Variants in C2orf68 observed in about 807,000 individuals in gnomAD.
C2orf68 encodes the protein chromosome 2 open reading frame 68, also known as UPF0561 protein C2orf68.
A neutral mutation model predicts 19.1 loss-of-function variants in C2orf68; 15 were observed. The observed-to-expected ratio is 0.79, with a 90% CI of 0.53 to 1.21. The LOEUF (loss-of-function observed/expected upper bound fraction) is 1.21. Ranked by LOEUF, C2orf68 falls within the 50% of genes most tolerant of loss-of-function variation. C2orf68 has a pLI of 0.00. For synonymous variants in C2orf68, 98 were observed against 91.0 expected (o/e 1.08, Z -0.44); for missense variants, 242 against 226.6 (o/e 1.07, Z -0.44).
rs973274746 is a variant in C2orf68 at position 85,607,985 on chromosome 2, A to G, written c.*960T>C. On this transcript the variant is annotated 3_prime_UTR_variant, in exon 4 of 4. Coordinates refer to ENST00000306336, the MANE Select transcript of C2orf68 (RefSeq NM_001013649.4). ...TTTCATTCCCTCTGGCGTGCTGTCA[A>G]TCAGGCAATTATTGCTAATATTGAC... 2.0e-5 allele frequency: 3 copies of G among 152,228 alleles called. No individual in the cohort carries two copies. Among genetic ancestry groups the G allele is most frequent in the Non-Finnish European group, 4.4e-5 (3 of 68,044 alleles). 9.4% of individuals were successfully genotyped at this position (152,228 alleles called of 1,614,324 possible).
rs1673568119 is a variant in C2orf68 at position 85,611,904 on chromosome 2, G to A, written c.81C>T (p.His27=). ...GAGCGATCTGGTTCCGTCGGATATG[G>A]TGCACGAAGCCGTGGTTCATGTCCA... is the stretch of plus-strand genomic sequence containing the variant. ...GRLDMNHGFV[H]HIRRNQIARD... The change falls in exon 1 of 4, where the codon CAC becomes CAT. Residue 27 remains histidine, a synonymous_variant. Transcript: ENST00000306336. 1 of 1,594,220 alleles carries A rather than the reference G, an allele frequency of 6.3e-7. No individual in the cohort carries two copies. Among genetic ancestry groups the A allele is most frequent in the Non-Finnish European group, 8.5e-7 (1 of 1,176,142 alleles).
In C2orf68 at chr2:85,607,321, AC is replaced by A. The variant is rs1673253034; in HGVS notation, c.*1623del. The A allele has an allele frequency of 6.6e-6, 1 of 152,186 alleles. No individual in the cohort carries two copies. The highest frequency in any genetic ancestry group is 1.5e-5 in the Non-Finnish European group (1 of 68,062). 9.4% of individuals were successfully genotyped at this position (152,186 alleles called of 1,614,324 possible). ...GGTGGAGTTTGGGAGAGCCTTCTTG[AC>A]CCAGGAGGCTTTGGAGGGTAGTTAA... On this transcript the variant is annotated 3_prime_UTR_variant, in exon 4 of 4. Transcript: ENST00000306336.
rs370522883 is a variant in C2orf68 at position 85,611,898 on chromosome 2, G to T, written c.87C>A (p.Ile29=). The T allele has an allele frequency of 1.3e-5, 20 of 1,595,340 alleles. No individual in the cohort carries two copies. In the African/African-American group the frequency reaches 2.7e-4, roughly 22 times the overall value. ...LDMNHGFVHH[I]RRNQIARDDY... is the part of the protein sequence containing the mutation. Reference sequence around the variant, plus strand: ...GGTACCGAGCGATCTGGTTCCGTCGGATATGGTGCACGAAGCCGTGGTTCA... The same window carrying T: ...GGTACCGAGCGATCTGGTTCCGTCGTATATGGTGCACGAAGCCGTGGTTCA... The change falls in exon 1 of 4, where the codon ATC becomes ATA. Residue 29 remains isoleucine (I), a synonymous_variant. Transcript: ENST00000306336.
intron 2 of C2orf68, 38 bp downstream of exon 2, chr2:85,611,630 G>T: frequency 6.4e-7 from 1 of 1,563,250 alleles, no homozygotes; most frequent in East Asian, 2.4e-5. Context: ...TGCAGGAAGA[G>T]CGCGCGGGCT....
intron 2 of C2orf68, chr2:85,611,346 C>G (rs1167786741): frequency 1.1e-5 from 16 of 1,438,980 alleles, no homozygotes; most frequent in Admixed American, 2.9e-5. Flanking sequence ...ATGTGCTGGT[C>G]GCTCATCGCT....
rs1673574260 is a variant in C2orf68 at position 85,611,947 on chromosome 2, C to T, written c.38G>A (p.Cys13Tyr). 6.4e-7 allele frequency: 1 copy of T among 1,572,616 alleles called. No homozygotes were observed. Residue 13 changes from cysteine to tyrosine, a missense_variant, in exon 1 of 4, where the codon TGC becomes TAC. Cys to Tyr is a radical substitution (Grantham distance 194, BLOSUM62 -2). Transcript: ENST00000306336. ...CATGTCCAGCCGCCCCCCAGGCTTG[C>T]AGCAGTGCCCCGGCCGGGGATGCGG... ...AGPHPRPGHC[C>Y]KPGGRLDMNH... is the part of the protein sequence containing the mutation.
At chr2:85,611,829 C>G in intron 1 of C2orf68, 43 bp from the exon 2 acceptor site, 5 of 1,605,078 alleles carry the variant, frequency 3.1e-6, no homozygotes, top group Non-Finnish European at 3.4e-6. Flanking sequence ...CGGGCCGGGC[C>G]AGGCCAGGCC....
chr2:85,605,297 T>A lies in C2orf68; in HGVS notation c.*3648A>T, dbSNP rs948097210. Among the ~76,000 whole-genome samples the A allele has an allele frequency of 2.6e-5, 4 of 152,232 alleles. No individual in the cohort carries two copies. The highest frequency in any genetic ancestry group is 9.6e-5 in the African/African-American group (4 of 41,460). On this transcript the variant is annotated 3_prime_UTR_variant, in exon 4 of 4. Coordinates refer to ENST00000306336, the MANE Select transcript of C2orf68 (RefSeq NM_001013649.4). ...TTTATTTGTTAAAAAAAATACTGTA[T>A]TTGAAAAGTACCTTCCTTCTGGGAT...
At position 85,609,199 on chromosome 2, in the gene C2orf68, G is replaced by T. The variant is rs181444910; in HGVS notation, c.379-132C>A. ...TGCCAGCACCTGTCATTTCCTATGT[G>T]TCTCCTGTAATAGTGATTCTCCACT... On this transcript the variant is annotated intron_variant, in intron 3 of 3. Transcript: ENST00000306336. 27 of 1,341,306 alleles carry T rather than the reference G, an allele frequency of 2.0e-5. No homozygotes were observed. In the African/African-American group the frequency reaches 3.1e-4, roughly 15 times the overall value. The allele number at this position is 1,341,306 out of a possible 1,614,324, so 83.1% of individuals were successfully genotyped here. A position where few individuals can be genotyped will look rare whatever the true frequency, so the allele number is the denominator to read the frequency against.
rs994825756 is a variant in C2orf68, at chr2:85,608,834, TG to T, written c.*110del. 5.5e-6 allele frequency: 8 copies of T among 1,463,864 alleles called. No homozygotes were observed. The African/African-American group carries it at 9.7e-5, about 18-fold the overall frequency. 90.7% of individuals were successfully genotyped at this position (1,463,864 alleles called of 1,614,324 possible). A position where few individuals can be genotyped will look rare whatever the true frequency, so the allele number is the denominator to read the frequency against. On this transcript the variant is annotated 3_prime_UTR_variant, in exon 4 of 4. Coordinates refer to ENST00000306336, the MANE Select transcript of C2orf68 (RefSeq NM_001013649.4). The stretch of plus-strand genomic sequence containing the variant: ...CAACACCCTATGGATGCAGCAGCTC[TG>T]GGGGTCTCAAGATCAGACAAACTGG...
intron 3 of C2orf68, 111 bp from the exon 4 acceptor site, chr2:85,609,178 A>C: frequency 6.9e-7 from 1 of 1,444,766 alleles, no homozygotes; most frequent in Non-Finnish European, 9.3e-7. Flanking sequence ...GCTTTTTGCC[A>C]GCACCTGTCA....
Position 85,612,047 on chromosome 2 carries a change from A to C in C2orf68, c.-63T>G, listed in dbSNP as rs1573380172. 2 of 1,241,138 alleles carry C rather than the reference A, an allele frequency of 1.6e-6. No individual in the cohort carries two copies. Among genetic ancestry groups the C allele is most frequent in the Non-Finnish European group, 2.2e-6 (2 of 923,820 alleles). 76.9% of individuals were successfully genotyped at this position (1,241,138 alleles called of 1,614,324 possible). On this transcript the variant is annotated 5_prime_UTR_variant, in exon 1 of 4. Coordinates refer to ENST00000306336, the MANE Select transcript of C2orf68 (RefSeq NM_001013649.4). ...GCCCCAACAACAGCCACCCGCCCAC[A>C]GAGCTCCGCGCCGCCCCTTGCTCAG...
intron 3 of C2orf68, 94 bp downstream of exon 3, chr2:85,609,341 T>C (rs542754303): frequency 2.9e-5 from 44 of 1,512,930 alleles, no homozygotes; most frequent in Admixed American, 1.4e-4. Context: ...ACGCTTCCCA[T>C]TGGGGGTCCT....
Position 85,611,685 on chromosome 2 carries a change from T to C in C2orf68, c.209A>G (p.Tyr70Cys). The change falls in exon 2 of 4, where the codon TAC becomes TGC. Residue 70 changes from tyrosine (Y) to cysteine (C), a missense_variant. Physicochemically the swap from Tyr to Cys is radical, Grantham distance 194. Transcript: ENST00000306336. Reference sequence around the variant, plus strand: ...GGCCTCACCTCGGTGTCGCGGCAGGTACACCTGCAGGTCTGGCTTGCGGGG... The same window carrying C: ...GGCCTCACCTCGGTGTCGCGGCAGGCACACCTGCAGGTCTGGCTTGCGGGG... ...TRPRKPDLQV[Y>C]LPRHRDVSAH... 1 of 1,569,776 alleles carries C rather than the reference T, an allele frequency of 6.4e-7. No individual in the cohort carries two copies. The highest frequency in any genetic ancestry group is 8.6e-7 in the Non-Finnish European group (1 of 1,158,466).
chr2:85,611,734 G>T lies in C2orf68; in HGVS notation c.160C>A (p.Arg54=). ...KQAAKEKVRR[R]HTPAPTRPRK... Reference sequence around the variant, plus strand: ...GGCCGCGTCGGCGCGGGCGTGTGCCGCCTCCTCACCTTCTCCTTGGCCGCC... The same window carrying T: ...GGCCGCGTCGGCGCGGGCGTGTGCCTCCTCCTCACCTTCTCCTTGGCCGCC... Residue 54 remains arginine (R), a synonymous_variant, in exon 2 of 4, where the codon CGG becomes AGG. Coordinates refer to ENST00000306336, the MANE Select transcript of C2orf68 (RefSeq NM_001013649.4). 2 of 1,608,710 alleles carry T rather than the reference G, an allele frequency of 1.2e-6. No individual in the cohort carries two copies. Among genetic ancestry groups the T allele is most frequent in the Non-Finnish European group, 1.7e-6 (2 of 1,178,180 alleles).
At position 85,608,881 on chromosome 2, in the gene C2orf68, A is replaced by G; in HGVS notation, c.*64T>C. The G allele has an allele frequency of 1.9e-6, 3 of 1,593,902 alleles. No homozygotes were observed. The highest frequency in any genetic ancestry group is 2.6e-6 in the Non-Finnish European group (3 of 1,166,340). Reference sequence around the variant, plus strand: ...ACTGGTCCTGGTACCCCCACACTAAATTCCCTGGGCAGAATTCTTCCGAGT... The same window carrying G: ...ACTGGTCCTGGTACCCCCACACTAAGTTCCCTGGGCAGAATTCTTCCGAGT... On this transcript the variant is annotated 3_prime_UTR_variant, in exon 4 of 4. Transcript: ENST00000306336.
chr2:85,605,597 T>C lies in C2orf68; in HGVS notation c.*3348A>G, dbSNP rs942991511. On this transcript the variant is annotated 3_prime_UTR_variant, in exon 4 of 4. Transcript: ENST00000306336. ...GAGCTTAAAATATTTTAAGTAATTG[T>C]CAACATTCCATGGTGACTCTCCCCA... 2.6e-5 allele frequency among the ~76,000 whole-genome samples: 4 copies of C among 152,208 alleles called. No individual in the cohort carries two copies. Among genetic ancestry groups the C allele is most frequent in the African/African-American group, 4.8e-5 (2 of 41,450 alleles).
In C2orf68 at chr2:85,607,284, A is replaced by G. The variant is rs1255281442; in HGVS notation, c.*1661T>C. ...AGAATGACTGACTGGTTCTCTGACC[A>G]GGAAGAACAGGGGTGGAGTTTGGGA... On this transcript the variant is annotated 3_prime_UTR_variant, in exon 4 of 4. Transcript: ENST00000306336. The G allele has an allele frequency of 6.6e-6, 1 of 152,256 alleles. No homozygotes were observed. Among genetic ancestry groups the G allele is most frequent in the East Asian group, 1.9e-4 (1 of 5,202 alleles). The allele number at this position is 152,256 out of a possible 1,614,324, so 9.4% of individuals were successfully genotyped here. A position where few individuals can be genotyped will look rare whatever the true frequency, so the allele number is the denominator to read the frequency against.
In C2orf68 at chr2:85,606,620, A is replaced by T. The variant is rs1417569441; in HGVS notation, c.*2325T>A. Reference sequence around the variant, plus strand: ...CTTAGAATGCTCTCTTGGGTAAAAAATATTAATAGTGTATATGCACTTGAA... The same window carrying T: ...CTTAGAATGCTCTCTTGGGTAAAAATTATTAATAGTGTATATGCACTTGAA... On this transcript the variant is annotated 3_prime_UTR_variant, in exon 4 of 4. Transcript: ENST00000306336. 6.6e-6 allele frequency: 1 copy of T among 152,226 alleles called. No individual in the cohort carries two copies. Among genetic ancestry groups the T allele is most frequent in the Non-Finnish European group, 1.5e-5 (1 of 68,042 alleles). 9.4% of individuals were successfully genotyped at this position (152,226 alleles called of 1,614,324 possible). A position where few individuals can be genotyped will look rare whatever the true frequency, so the allele number is the denominator to read the frequency against.
Sources: allele counts gnomAD v4.1 joint callset (sites outside exome capture counted in the v4.1 genomes callset), GRCh38; gene constraint gnomAD v4.1.1; transcripts MANE v1.5; gene names NCBI Gene and HGNC (gene_info 2026-07-23, HGNC 2026-07-21).